Variants in GLYAT observed in about 807,000 individuals in gnomAD.
GLYAT encodes glycine N-acyltransferase.
Under a neutral mutation model 22.8 loss-of-function variants are expected in GLYAT, and 25 were observed. That is an observed-to-expected ratio of 1.09 (90% confidence interval 0.80 to 1.53). GLYAT has a LOEUF of 1.53. Ranked by LOEUF, GLYAT falls within the 40% of genes most tolerant of loss-of-function variation. GLYAT has a pLI of 0.00. For missense variants in GLYAT, 411 were observed against 353.9 expected, an observed-to-expected ratio of 1.16 and a Z score of -1.29; for synonymous variants, 140 against 122.7, an observed-to-expected ratio of 1.14 and a Z score of -0.93.
chr11:58,712,595 G>C (rs1856629408), intron 4 of GLYAT, among the ~76,000 whole-genome samples, 165 bp downstream of exon 4: 1 of 151,996 alleles, frequency 6.6e-6, no homozygotes, highest in African/African-American at 2.4e-5. Context: ...CAAATTTTAG[G>C]GTTTCCCACG....
At chr11:58,722,869 T>C (rs1028392908) in intron 2 of GLYAT, among the ~76,000 whole-genome samples, 1 of 152,062 alleles carries the variant, frequency 6.6e-6, no homozygotes, top group Non-Finnish European at 1.5e-5. Flanking sequence ...TGAGTAACAG[T>C]GAATTCTAGG....
rs1856789541 is a variant in GLYAT, at chr11:58,724,397, C to T, written c.81+19G>A. The T allele has an allele frequency of 6.9e-7, 1 of 1,444,480 alleles. No homozygotes were observed. The highest frequency in any genetic ancestry group is 9.7e-7 in the Non-Finnish European group (1 of 1,033,038). The allele number at this position is 1,444,480 out of a possible 1,614,324, so 89.5% of individuals were successfully genotyped here. A position where few individuals can be genotyped will look rare whatever the true frequency, so the allele number is the denominator to read the frequency against. ...TCAAGTTTGTCTTCTTTACTCCTCT[C>T]AGAATTTTCCATTATCACCTTTAAG... On this transcript the variant is annotated intron_variant, in intron 2 of 5. Coordinates refer to ENST00000344743, the MANE Select transcript of GLYAT (RefSeq NM_201648.3).
chr11:58,730,313 A>C (rs966352861), intron 1 of GLYAT, among the ~76,000 whole-genome samples: 2 of 152,176 alleles, frequency 1.3e-5, no homozygotes, highest in Admixed American at 1.3e-4. Flanking sequence ...CAATCTCTAC[A>C]AAAATAAAAA....
chr11:58,721,908 A>G (rs955367556), intron 2 of GLYAT, among the ~76,000 whole-genome samples: 1 of 152,080 alleles, frequency 6.6e-6, no homozygotes, highest in Non-Finnish European at 1.5e-5. Context: ...ACAAAGAACA[A>G]AAAAGTTAAG....
intron 2 of GLYAT, among the ~76,000 whole-genome samples, chr11:58,723,397 G>GT (rs1279271549): frequency 3.9e-5 from 6 of 152,024 alleles, no homozygotes; most frequent in Non-Finnish European, 8.8e-5. Flanking sequence ...AAGCTATACT[G>GT]TGTTGTTAAT....
chr11:58,711,648 A>AT (rs1425222332), intron 4 of GLYAT, among the ~76,000 whole-genome samples: 1 of 152,146 alleles, frequency 6.6e-6, no homozygotes, highest in East Asian at 1.9e-4. Context: ...TAGTAGGTAA[A>AT]TTTAAAAAAC....
intron 1 of GLYAT, chr11:58,728,851 G>GAAGAAAGAAAGAAAGAAAGAAAGA (rs567844506): frequency 8.0e-4 from 73 of 90,710 alleles, no homozygotes; most frequent in East Asian, 2.7e-3. Context: ...AGGAAAGAAA[G>GAAGAAAGAAAGAAAGAAAGAAAGA]AAGAAAGAAA....
At chr11:58,713,177 T>C (rs927128287) in intron 3 of GLYAT, among the ~76,000 whole-genome samples, 1 of 152,190 alleles carries the variant, frequency 6.6e-6, no homozygotes, top group African/African-American at 2.4e-5. Flanking sequence ...ATACAATACA[T>C]TGCTGTTAAC....
At chr11:58,731,222 A>T (rs11229603) in intron 1 of GLYAT, among the ~76,000 whole-genome samples, 27,885 of 152,058 alleles carry the variant, frequency 0.18, 2,704 homozygotes, top group East Asian at 0.26. Flanking sequence ...TGTAAGGAAA[A>T]AACTGCCTCC....
chr11:58,726,183 T>A (rs1017208281), intron 1 of GLYAT, among the ~76,000 whole-genome samples: 5 of 152,026 alleles, frequency 3.3e-5, no homozygotes, highest in Non-Finnish European at 5.9e-5. Context: ...GCCTGACATA[T>A]CTGGGTGTGG....
Position 58,709,778 on chromosome 11 carries a change from A to C in GLYAT, c.879T>G (p.Cys293Trp), listed in dbSNP as rs1166057351. 6.2e-7 allele frequency: 1 copy of C among 1,610,552 alleles called. No homozygotes were observed. ...PIPRSWNQWNCVPL is the reference protein window; with the variant it reads ...PIPRSWNQWNWVPL The stretch of plus-strand genomic sequence containing the variant: ...TTCAGGATTGGCATCACAGAGGTAC[A>C]CAGTTCCACTGGTTCCAGCTTCTGG... Residue 293 changes from cysteine (C) to tryptophan (W), a missense_variant, in exon 6 of 6, where the codon TGT becomes TGG. Transcript: ENST00000344743.
intron 1 of GLYAT, among the ~76,000 whole-genome samples, chr11:58,730,723 T>C (rs958517065): frequency 5.9e-5 from 9 of 152,156 alleles, no homozygotes; most frequent in African/African-American, 2.2e-4. Flanking sequence ...ATGAGTTATG[T>C]TCATACCACT....
intron 1 of GLYAT, among the ~76,000 whole-genome samples, chr11:58,728,336 C>A (rs1212887804): frequency 2.0e-5 from 3 of 152,104 alleles, no homozygotes; most frequent in African/African-American, 2.4e-5. Flanking sequence ...GCTGGGATTA[C>A]AGGCGTGAGC....
At chr11:58,720,545 GA>G (rs1856736873) in intron 2 of GLYAT, among the ~76,000 whole-genome samples, 1 of 151,974 alleles carries the variant, frequency 6.6e-6, no homozygotes, top group African/African-American at 2.4e-5. Flanking sequence ...ACTTTGGGAG[GA>G]ACTTGGTTTA....
intron 2 of GLYAT, 26 bp from the exon 3 acceptor site, chr11:58,715,449 G>T (rs1231928948): frequency 1.9e-6 from 2 of 1,052,586 alleles, no homozygotes; most frequent in South Asian, 2.7e-5. Flanking sequence ...AAATTGACAG[G>T]GTTGGTTTAT....
In GLYAT at chr11:58,729,271, A is replaced by G. The variant is rs1487204150; in HGVS notation, c.-16+2564T>C. On this transcript the variant is annotated intron_variant, in intron 1 of 5. Transcript: ENST00000344743. The stretch of plus-strand genomic sequence containing the variant: ...CACTTACCCCTTCAAGTTTACCCGA[A>G]TAGCCTGTTATCCCTAGTGCTCTTT... Among the ~76,000 whole-genome samples, 5 of 152,150 alleles carry G rather than the reference A, an allele frequency of 3.3e-5. No homozygotes were observed. In the East Asian group the frequency reaches 9.6e-4, roughly 29 times the overall value.
chr11:58,712,624 A>T (rs539199116), intron 4 of GLYAT, 136 bp downstream of exon 4: 10 of 737,864 alleles, frequency 1.4e-5, no homozygotes, highest in Middle Eastern at 2.5e-4. Context: ...CACCTTTTAC[A>T]GATATAGTTA....
intron 2 of GLYAT, among the ~76,000 whole-genome samples, chr11:58,716,546 C>G (rs553497022): frequency 6.6e-6 from 1 of 152,066 alleles, no homozygotes; most frequent in East Asian, 1.9e-4. Context: ...ATAGTGGTTA[C>G]ATTTTTACAC....
intron 2 of GLYAT, among the ~76,000 whole-genome samples, chr11:58,722,704 G>T (rs150515261): frequency 6.6e-6 from 1 of 152,146 alleles, no homozygotes; most frequent in East Asian, 1.9e-4. Flanking sequence ...AGTGATTTTG[G>T]GGGCCCAAGA....
Sources: gnomAD v4.1 joint callset for allele counts (sites outside exome capture counted in the v4.1 genomes callset) on GRCh38, gnomAD v4.1.1 for gene constraint, MANE v1.5 for transcripts, NCBI Gene and HGNC (gene_info 2026-07-23, HGNC 2026-07-21) for gene names.